The following C10orf90 variants were observed in gnomAD, a reference collection of about 807,000 sequenced individuals.
C10orf90 encodes (E2-independent) E3 ubiquitin-conjugating enzyme FATS.
C10orf90 carries 56 observed loss-of-function variants against 62.5 expected under a neutral mutation model. The ratio of observed to expected loss-of-function variants is 0.90; its 90% CI spans 0.72 to 1.12. The LOEUF is 1.12. Among genes scored for constraint, C10orf90 ranks in the 50% most tolerant of loss-of-function variants. The pLI is 0.00. For synonymous variants in C10orf90, 386 were observed against 340.4 expected (o/e 1.13, Z -1.47); for missense variants, 970 against 880.4 (o/e 1.10, Z -1.29).
In C10orf90 at chr10:126,456,421, G is replaced by A. The variant is rs927119602; in HGVS notation, c.2188+2619C>T. Reference sequence around the variant, plus strand: ...TGCCAGGACTGTCTTGGAATGTGGGGAGTAAAAGGTACTCAGTTAACATTC... The same window carrying A: ...TGCCAGGACTGTCTTGGAATGTGGGAAGTAAAAGGTACTCAGTTAACATTC... On this transcript the variant is annotated intron_variant, in intron 7 of 9. Transcript: ENST00000488181. The surrounding 1 kb of genome is among the most constrained non-coding windows in gnomAD (Gnocchi z 4.9). Among the ~76,000 whole-genome samples, 8 of 152,180 alleles carry A rather than the reference G, an allele frequency of 5.3e-5. No homozygotes were observed. Among genetic ancestry groups the A allele is most frequent in the Non-Finnish European group, 1.0e-4 (7 of 68,036 alleles).
intron 2 of C10orf90, among the ~76,000 whole-genome samples, chr10:126,570,317 G>T (rs1248962056): frequency 2.0e-5 from 3 of 152,174 alleles, no homozygotes; most frequent in Non-Finnish European, 4.4e-5. Context: ...TGGACTTTAC[G>T]CACTGCCTAA....
At chr10:126,574,981 A>C (rs1308355092) in intron 2 of C10orf90, among the ~76,000 whole-genome samples, 1 of 152,126 alleles carries the variant, frequency 6.6e-6, no homozygotes, top group African/African-American at 2.4e-5. Flanking sequence ...AACCATTTTT[A>C]TTCAACATGC....
At chr10:126,664,364 C>A (rs538045424) in intron 1 of C10orf90, among the ~76,000 whole-genome samples, 3 of 152,270 alleles carry the variant, frequency 2.0e-5, no homozygotes, top group South Asian at 2.1e-4. Context: ...GTCACTTTCA[C>A]GGGGTACAGC....
intron 2 of C10orf90, among the ~76,000 whole-genome samples, chr10:126,603,093 C>T (rs1845232733): frequency 6.6e-6 from 1 of 151,974 alleles, no homozygotes; most frequent in African/African-American, 2.4e-5. Flanking sequence ...CACATTTGGA[C>T]ATCAGAAGAG....
chr10:126,516,524 A>G (rs1400338348), intron 2 of C10orf90, among the ~76,000 whole-genome samples: 5 of 152,238 alleles, frequency 3.3e-5, no homozygotes, highest in African/African-American at 9.6e-5. Flanking sequence ...TATCCACTTC[A>G]GAGGGTTACT....
At chr10:126,567,098 A>G (rs1180188220) in intron 2 of C10orf90, among the ~76,000 whole-genome samples, 1 of 152,166 alleles carries the variant, frequency 6.6e-6, no homozygotes, top group African/African-American at 2.4e-5. Context: ...CTGGTCATAA[A>G]GAAGTAGTTA....
At chr10:126,653,105 C>G (rs1846323353) in intron 1 of C10orf90, among the ~76,000 whole-genome samples, 2 of 152,204 alleles carry the variant, frequency 1.3e-5, no homozygotes, top group Admixed American at 1.3e-4. Context: ...AAGTTGCAAT[C>G]TTTTTCTGGT....
intron 1 of C10orf90, among the ~76,000 whole-genome samples, chr10:126,665,267 G>A (rs1402273220): frequency 2.0e-5 from 3 of 152,196 alleles, no homozygotes; most frequent in African/African-American, 4.8e-5. Context: ...GGGGAAAGGT[G>A]AGACTCCAAA....
chr10:126,455,362 C>T (rs536257819), intron 7 of C10orf90, among the ~76,000 whole-genome samples: 22 of 152,186 alleles, frequency 1.4e-4, no homozygotes, highest in East Asian at 7.7e-4. Context: ...ATGTTGGGAA[C>T]GTTCCTCCCC....
chr10:126,659,056 C>G (rs749377090), intron 1 of C10orf90, among the ~76,000 whole-genome samples: 9 of 152,214 alleles, frequency 5.9e-5, no homozygotes, highest in African/African-American at 2.2e-4. Context: ...TGGCTGCACG[C>G]ATTGGGAACT....
rs186099018 is a variant in C10orf90 at position 126,618,207 on chromosome 10, A to G, written c.313+28358T>C. Reference sequence around the variant, plus strand: ...ATTATTTTTTGGACCTAAGAAAGAGAGACACTACCATCAACTGTCAAGTGC... The same window carrying G: ...ATTATTTTTTGGACCTAAGAAAGAGGGACACTACCATCAACTGTCAAGTGC... On this transcript the variant is annotated intron_variant, in intron 2 of 9. Transcript: ENST00000488181. Among the ~76,000 whole-genome samples the G allele has an allele frequency of 8.5e-5, 13 of 152,308 alleles. No homozygotes were observed. In the East Asian group the frequency reaches 2.5e-3, roughly 29 times the overall value.
intron 5 of C10orf90, 112 bp from the exon 6 acceptor site, chr10:126,461,697 T>A (rs2133726389): frequency 3.7e-6 from 4 of 1,072,224 alleles, no homozygotes; most frequent in East Asian, 2.6e-5. Flanking sequence ...GCCAGTGGAC[T>A]ATTAATGGGC....
intron 2 of C10orf90, among the ~76,000 whole-genome samples, chr10:126,533,735 C>T (rs1864163855): frequency 6.6e-6 from 1 of 152,234 alleles, no homozygotes; most frequent in South Asian, 2.1e-4. Context: ...GAGCCTGTGT[C>T]CTGCCTGCGA....
chr10:126,566,041 C>T (rs1218016120), intron 2 of C10orf90, among the ~76,000 whole-genome samples: 3 of 152,206 alleles, frequency 2.0e-5, no homozygotes, highest in Non-Finnish European at 4.4e-5. Context: ...TATGAATTTT[C>T]CACTATAGTC....
At chr10:126,661,174 C>A (rs1846502346) in intron 1 of C10orf90, among the ~76,000 whole-genome samples, 1 of 152,144 alleles carries the variant, frequency 6.6e-6, no homozygotes, top group Non-Finnish European at 1.5e-5. Flanking sequence ...TACAATTTGC[C>A]TGCACCCAGG....
chr10:126,503,819 A>G (rs760072012), intron 4 of C10orf90, 138 bp downstream of exon 4: 13 of 1,088,824 alleles, frequency 1.2e-5, no homozygotes, highest in Non-Finnish European at 1.5e-5. Context: ...TCAGTTGTCA[A>G]CTATGAGCAG....
chr10:126,455,693 A>G (rs1033498154), intron 7 of C10orf90, among the ~76,000 whole-genome samples: 2 of 152,206 alleles, frequency 1.3e-5, no homozygotes, highest in Non-Finnish European at 2.9e-5. Context: ...CAAGACAGGT[A>G]CAGACTGTAG....
chr10:126,634,036 G>A (rs1445741286), intron 2 of C10orf90, among the ~76,000 whole-genome samples: 2 of 152,202 alleles, frequency 1.3e-5, no homozygotes, highest in Non-Finnish European at 2.9e-5. Context: ...TGGTGGGAAT[G>A]TAGAATGTTG....
chr10:126,533,136 A>G (rs1459292644), intron 2 of C10orf90, among the ~76,000 whole-genome samples: 1 of 151,704 alleles, frequency 6.6e-6, no homozygotes, highest in Non-Finnish European at 1.5e-5. Flanking sequence ...GGGTTTCACC[A>G]TGTTAGCCAG....
Sources: allele counts gnomAD v4.1 joint callset (sites outside exome capture counted in the v4.1 genomes callset), GRCh38; gene constraint gnomAD v4.1.1; non-coding constraint Gnocchi (gnomAD v3.1); transcripts MANE v1.5; gene names NCBI Gene and HGNC (gene_info 2026-07-23, HGNC 2026-07-21).